Variants in HS3ST5 observed in about 807,000 individuals in gnomAD.
The protein encoded by HS3ST5 is heparan sulfate glucosamine 3-O-sulfotransferase 5.
A neutral mutation model predicts 25.4 loss-of-function variants in HS3ST5; 10 were observed. The ratio of observed to expected loss-of-function variants is 0.39; its 90% CI spans 0.24 to 0.67. The LOEUF is 0.67. Ranked by LOEUF, HS3ST5 falls within the 30% of genes least tolerant of loss-of-function variation. The pLI is 0.44. For synonymous variants in HS3ST5, 170 were observed against 162.4 expected (o/e 1.05, Z -0.36); for missense variants, 324 against 420.7 (o/e 0.77, Z 2.01).
intron 1 of HS3ST5, among the ~76,000 whole-genome samples, chr6:114,304,502 T>A (rs1197235210): frequency 6.6e-6 from 1 of 152,100 alleles, no homozygotes; most frequent in Non-Finnish European, 1.5e-5. Flanking sequence ...AAGCTCCCTC[T>A]AGTGGCAAAA....
At chr6:114,255,343 G>A (rs1248185882) in intron 1 of HS3ST5, among the ~76,000 whole-genome samples, 1 of 152,198 alleles carries the variant, frequency 6.6e-6, no homozygotes. Context: ...TTTGCAGGGT[G>A]CAGCCTCCCT....
At chr6:114,134,364 CTGACCCAAGG>C (rs1009612135) in intron 3 of HS3ST5, among the ~76,000 whole-genome samples, 13 of 152,180 alleles carry the variant, frequency 8.5e-5, no homozygotes, top group African/African-American at 3.1e-4. Context: ...GATCCAAGGT[CTGACCCAAGG>C]TTCTAACACT....
chr6:114,317,392 T>C (rs191437128), intron 1 of HS3ST5, among the ~76,000 whole-genome samples: 1 of 152,248 alleles, frequency 6.6e-6, no homozygotes, highest in Non-Finnish European at 1.5e-5. Context: ...AACGGATGCA[T>C]GTAGTTCCAG....
chr6:114,217,972 C>T lies in HS3ST5; in HGVS notation c.-145+10613G>A, dbSNP rs116789498. ...CCATCTTGTATGATTCTAACAAACACTAAACTACATACGTATTTCTTCTTT... is the reference window on the plus strand; with the variant it reads ...CCATCTTGTATGATTCTAACAAACATTAAACTACATACGTATTTCTTCTTT... On this transcript the variant is annotated intron_variant, in intron 2 of 4. Coordinates refer to ENST00000312719, the MANE Select transcript of HS3ST5 (RefSeq NM_153612.4). Among the ~76,000 whole-genome samples the T allele has an allele frequency of 2.7e-3, 406 of 152,250 alleles. 1 individual carries two copies. Among genetic ancestry groups the T allele is most frequent in the South Asian group, 3.9e-3 (19 of 4,824 alleles).
chr6:114,118,480 T>C (rs1212150665), intron 3 of HS3ST5, among the ~76,000 whole-genome samples: 2 of 152,202 alleles, frequency 1.3e-5, no homozygotes, highest in Non-Finnish European at 2.9e-5. Context: ...AAACAATCTA[T>C]ATATAAGAAA....
chr6:114,267,582 C>A (rs781224153), intron 1 of HS3ST5, among the ~76,000 whole-genome samples: 1 of 152,012 alleles, frequency 6.6e-6, no homozygotes, highest in Non-Finnish European at 1.5e-5. Context: ...ATAAATCTAG[C>A]GTCTAGAGTT....
chr6:114,195,388 G>A (rs1412459978), intron 2 of HS3ST5, among the ~76,000 whole-genome samples: 2 of 152,132 alleles, frequency 1.3e-5, no homozygotes, highest in African/African-American at 4.8e-5. Flanking sequence ...CACTGCCCAT[G>A]TCACTAAGCA....
chr6:114,072,174 T>C (rs1305885145), intron 3 of HS3ST5, among the ~76,000 whole-genome samples: 1 of 152,202 alleles, frequency 6.6e-6, no homozygotes, highest in Non-Finnish European at 1.5e-5. Context: ...GTCTAAACTT[T>C]CAATCTGCAA....
intron 1 of HS3ST5, among the ~76,000 whole-genome samples, chr6:114,283,307 A>T (rs1774202107): frequency 1.3e-5 from 2 of 151,856 alleles, no homozygotes; most frequent in Non-Finnish European, 2.9e-5. Flanking sequence ...CACCATCAAG[A>T]TGATATATAT....
intron 1 of HS3ST5, among the ~76,000 whole-genome samples, chr6:114,327,250 G>A (rs548563805): frequency 6.6e-6 from 1 of 152,250 alleles, no homozygotes; most frequent in Admixed American, 6.5e-5. Context: ...TAAACTAGTG[G>A]GTTGGCCATA....
At chr6:114,317,802 C>CGGGGGGGGGG (rs35127490) in intron 1 of HS3ST5, among the ~76,000 whole-genome samples, 1 of 68,572 alleles carries the variant, frequency 1.5e-5, no homozygotes, top group Non-Finnish European at 2.6e-5. Context: ...AGGCGGGGGG[C>CGGGGGGGGGG]GGGGGGGTAG....
chr6:114,076,468 TC>T (rs1439305626), intron 3 of HS3ST5, among the ~76,000 whole-genome samples: 4 of 152,338 alleles, frequency 2.6e-5, no homozygotes, highest in African/African-American at 9.6e-5. Flanking sequence ...TTTTAAATAG[TC>T]CTGACCTCTT....
At chr6:114,111,578 C>G (rs575915966) in intron 3 of HS3ST5, among the ~76,000 whole-genome samples, 8 of 152,262 alleles carry the variant, frequency 5.3e-5, no homozygotes, top group African/African-American at 1.4e-4. Flanking sequence ...CTACTTCTCA[C>G]ATAACTAGTG....
intron 1 of HS3ST5, among the ~76,000 whole-genome samples, chr6:114,323,282 A>G (rs1240926720): frequency 2.0e-5 from 3 of 152,206 alleles, no homozygotes; most frequent in African/African-American, 7.2e-5. Flanking sequence ...TAGCATATGT[A>G]AAACTGCCTA....
intron 3 of HS3ST5, among the ~76,000 whole-genome samples, chr6:114,130,564 T>C (rs966319520): frequency 1.3e-5 from 2 of 151,988 alleles, no homozygotes; most frequent in African/African-American, 2.4e-5. Context: ...ACAGACCCTG[T>C]TGTTACAATT....
intron 3 of HS3ST5, chr6:114,131,374 T>A (rs1238084892): frequency 6.6e-6 from 1 of 152,206 alleles, no homozygotes; most frequent in Admixed American, 6.5e-5. Context: ...AAAAGTAAAC[T>A]TTTAAAAAGT....
chr6:114,314,760 T>C (rs1007869245), intron 1 of HS3ST5, among the ~76,000 whole-genome samples: 5 of 152,348 alleles, frequency 3.3e-5, no homozygotes, highest in African/African-American at 1.2e-4. Flanking sequence ...TTCATTTACA[T>C]CTGTTTTCTT....
At chr6:114,165,014 A>C in intron 3 of HS3ST5, among the ~76,000 whole-genome samples, 1 of 152,206 alleles carries the variant, frequency 6.6e-6, no homozygotes, top group East Asian at 1.9e-4. Context: ...GATTGTTCCA[A>C]GAAGCACTGG....
rs371223492 is a variant in HS3ST5, at chr6:114,057,324, C to T, written c.974G>A (p.Arg325His). ...EVDPSVITKL[R>H]KFFHPFNQKF... ...TTGATTAAAAGGATGAAAGAATTTG[C>T]GCAATTTAGTAATGACAGAGGGGTC... The change falls in exon 5 of 5, where the codon CGC becomes CAC. Residue 325 changes from arginine to histidine, a missense_variant. Arg to His is a conservative substitution (Grantham distance 29, BLOSUM62 0). Transcript: ENST00000312719. The T allele has an allele frequency of 5.3e-5, 86 of 1,613,828 alleles. No homozygotes were observed. The highest frequency in any genetic ancestry group is 3.3e-4 in the Middle Eastern group (2 of 6,080).
Sources: gnomAD v4.1 joint callset for allele counts (sites outside exome capture counted in the v4.1 genomes callset) on GRCh38, gnomAD v4.1.1 for gene constraint, MANE v1.5 for transcripts, NCBI Gene and HGNC (gene_info 2026-07-23, HGNC 2026-07-21) for gene names.